HTR2C: variants seen among roughly 807,000 people sequenced by gnomAD.
HTR2C encodes 5-hydroxytryptamine receptor 2C.
Under a neutral mutation model 21.0 loss-of-function variants are expected in HTR2C, and 5 were observed. The ratio of observed to expected loss-of-function variants is 0.24; its 90% CI spans 0.12 to 0.50. The LOEUF (loss-of-function observed/expected upper bound fraction) is 0.50, where lower values mean the gene tolerates loss of function less well. HTR2C is among the 20% of genes least tolerant of loss of function. HTR2C has a pLI of 0.98. For synonymous variants in HTR2C, 150 were observed against 145.3 expected, an observed-to-expected ratio of 1.03 and a Z score of -0.23; for missense variants, 271 against 371.2, an observed-to-expected ratio of 0.73 and a Z score of 2.22.
chrX:114,840,706 T>C (rs1203022778), intron 4 of HTR2C, among the ~76,000 whole-genome samples: 2 of 111,831 alleles, frequency 1.8e-5, no homozygotes, highest in Non-Finnish European at 3.8e-5. Flanking sequence ...AAGTATAAAT[T>C]CTGATGATTA....
chrX:114,779,999 AAAAACAACGAAACTAAC>A (rs2147399653), intron 4 of HTR2C, among the ~76,000 whole-genome samples: 1 of 111,483 alleles, frequency 9.0e-6, no homozygotes, highest in East Asian at 2.8e-4. Flanking sequence ...AAAATATTTT[AAAAACAACGAAACTAAC>A]AAAACAATGA....
At chrX:114,595,570 G>A (rs1442705362) in intron 1 of HTR2C, among the ~76,000 whole-genome samples, 1 of 110,426 alleles carries the variant, frequency 9.1e-6, no homozygotes, top group Non-Finnish European at 1.9e-5. Context: ...TTCATGTCAT[G>A]GATATTTAGT....
intron 4 of HTR2C, among the ~76,000 whole-genome samples, chrX:114,762,916 A>G (rs1163033642): frequency 6.2e-5 from 7 of 112,241 alleles, no homozygotes; most frequent in Admixed American, 4.7e-4. Flanking sequence ...AGCCCTCTAG[A>G]AAAAGTACAC....
At chrX:114,795,890 G>A (rs2147419758) in intron 4 of HTR2C, among the ~76,000 whole-genome samples, 1 of 111,598 alleles carries the variant, frequency 9.0e-6, no homozygotes, top group East Asian at 2.8e-4. Flanking sequence ...CTATGTTCCA[G>A]ACTGGAAGGA....
intron 5 of HTR2C, among the ~76,000 whole-genome samples, chrX:114,880,454 A>G (rs1270142328): frequency 9.0e-6 from 1 of 110,872 alleles, no homozygotes; most frequent in Non-Finnish European, 1.9e-5. Flanking sequence ...CTCACCCATT[A>G]GAGTGTAAAA....
chrX:114,622,725 C>A (rs911521836), intron 2 of HTR2C, among the ~76,000 whole-genome samples: 3 of 112,013 alleles, frequency 2.7e-5, no homozygotes, highest in African/African-American at 6.5e-5. Flanking sequence ...AATACATCTG[C>A]CAGTAGATGT....
At chrX:114,721,476 A>G (rs1461024384) in intron 2 of HTR2C, among the ~76,000 whole-genome samples, 2 of 91,656 alleles carry the variant, frequency 2.2e-5, no homozygotes, top group Non-Finnish European at 4.3e-5. Context: ...TTGCCTGTTC[A>G]CTCTGATGGT....
At chrX:114,675,014 G>A (rs1366020548) in intron 2 of HTR2C, among the ~76,000 whole-genome samples, 2 of 112,311 alleles carry the variant, frequency 1.8e-5, no homozygotes, top group African/African-American at 6.5e-5. Flanking sequence ...AGAGCTAAAT[G>A]TCTCAGGCAC....
chrX:114,621,579 G>A (rs988389287), intron 2 of HTR2C, among the ~76,000 whole-genome samples: 14 of 112,002 alleles, frequency 1.2e-4, no homozygotes, highest in Non-Finnish European at 2.3e-4. Flanking sequence ...GATGCCGATC[G>A]ATAACTGTTG....
chrX:114,738,026 A>G (rs1238458192), intron 4 of HTR2C, among the ~76,000 whole-genome samples: 3 of 112,189 alleles, frequency 2.7e-5, no homozygotes, highest in Non-Finnish European at 5.6e-5. Flanking sequence ...ATACTTTATA[A>G]AATCTTAGCA....
At chrX:114,689,162 A>G (rs1602689266) in intron 2 of HTR2C, among the ~76,000 whole-genome samples, 1 of 98,269 alleles carries the variant, frequency 1.0e-5, no homozygotes, top group Admixed American at 1.2e-4. Flanking sequence ...GAATGCCATT[A>G]TTTCATTCCT....
In HTR2C at chrX:114,610,786, CAAATT is replaced by C. The variant is rs1157780299; in HGVS notation, c.-146-3028_-146-3024del. On this transcript the variant is annotated intron_variant, in intron 1 of 5. Transcript: ENST00000276198. The stretch of plus-strand genomic sequence containing the variant: ...AGAGCGTTAATCATAAAATGTATCT[CAAATT>C]TATGTATAATTAGCTGAGAGGAAAA... 2.7e-5 allele frequency among the ~76,000 whole-genome samples: 3 copies of C among 110,355 alleles called. No homozygotes were observed. The East Asian group carries it at 8.5e-4, about 31-fold the overall frequency.
intron 2 of HTR2C, among the ~76,000 whole-genome samples, chrX:114,638,113 T>C (rs1929922310): frequency 9.0e-6 from 1 of 111,577 alleles, no homozygotes. Context: ...AACAGAATGC[T>C]TCGCTGATTT....
intron 4 of HTR2C, among the ~76,000 whole-genome samples, chrX:114,783,811 A>G (rs1453919099): frequency 8.9e-6 from 1 of 111,741 alleles, no homozygotes; most frequent in African/African-American, 3.2e-5. Context: ...GTATTTGGAA[A>G]TTACTAAACA....
intron 2 of HTR2C, among the ~76,000 whole-genome samples, chrX:114,635,637 A>T (rs1556405105): frequency 8.9e-6 from 1 of 111,764 alleles, no homozygotes; most frequent in Non-Finnish European, 1.9e-5. Context: ...CAGTTTTTTT[A>T]TGATGAGATT....
At chrX:114,618,673 A>G (rs1200215337) in intron 2 of HTR2C, among the ~76,000 whole-genome samples, 1 of 112,093 alleles carries the variant, frequency 8.9e-6, no homozygotes, top group Non-Finnish European at 1.9e-5. Context: ...AAATACAGAC[A>G]TTTTAATTGT....
At chrX:114,783,895 A>G (rs1556441162) in intron 4 of HTR2C, among the ~76,000 whole-genome samples, 1 of 111,520 alleles carries the variant, frequency 9.0e-6, no homozygotes, top group African/African-American at 3.2e-5. Context: ...ATAACAAAAT[A>G]CTAGATATCA....
intron 2 of HTR2C, among the ~76,000 whole-genome samples, chrX:114,662,685 A>G (rs1182163874): frequency 3.6e-5 from 4 of 112,050 alleles, no homozygotes; most frequent in Non-Finnish European, 5.6e-5. Flanking sequence ...CCTTTCACTG[A>G]TAATAATTCA....
chrX:114,724,168 A>C (rs1435847809), intron 2 of HTR2C, among the ~76,000 whole-genome samples: 4 of 96,827 alleles, frequency 4.1e-5, no homozygotes, highest in African/African-American at 1.5e-4. Context: ...TTTGTAGGTC[A>C]CTCAAGACTT....
Sources: gnomAD v4.1 joint callset for allele counts (sites outside exome capture counted in the v4.1 genomes callset) on GRCh38, gnomAD v4.1.1 for gene constraint, MANE v1.5 for transcripts, NCBI Gene and HGNC (gene_info 2026-07-23, HGNC 2026-07-21) for gene names.